TXLNG: variants seen among roughly 807,000 people sequenced by gnomAD.
TXLNG encodes taxilin gamma.
TXLNG carries 5 observed loss-of-function variants against 38.8 expected under a neutral mutation model. The observed-to-expected ratio is 0.13, with a 90% CI of 0.07 to 0.27. The LOEUF is 0.27. TXLNG is among the 10% of genes least tolerant of loss of function. The pLI is 1.00. For missense variants in TXLNG, 393 were observed against 398.2 expected, an observed-to-expected ratio of 0.99 and a Z score of 0.11; for synonymous variants, 182 against 158.2, an observed-to-expected ratio of 1.15 and a Z score of -1.13.
intron 3 of TXLNG, among the ~76,000 whole-genome samples, chrX:16,827,839 T>C (rs760036708): frequency 5.3e-5 from 6 of 112,165 alleles, no homozygotes; most frequent in Non-Finnish European, 1.1e-4. Context: ...TAAATCTGTC[T>C]AAAGGATTTT....
chrX:16,821,572 T>A (rs1160124969), intron 3 of TXLNG, among the ~76,000 whole-genome samples: 1 of 112,849 alleles, frequency 8.9e-6, no homozygotes, highest in African/African-American at 3.2e-5. Flanking sequence ...GCTAAAATTA[T>A]TGCCTTTTGT....
At chrX:16,819,394 A>G (rs1036483015) in intron 2 of TXLNG, among the ~76,000 whole-genome samples, 4 of 111,280 alleles carry the variant, frequency 3.6e-5, no homozygotes, top group African/African-American at 1.3e-4. Flanking sequence ...TTTCCCCCAT[A>G]GCAGTCTGTA....
chrX:16,839,954 C>T (rs1341754342), intron 9 of TXLNG, 38 bp downstream of exon 9: 1 of 1,027,947 alleles, frequency 9.7e-7, no homozygotes, highest in South Asian at 2.4e-5. Context: ...TAGTCTTAGT[C>T]ATGGGGACTC....
chrX:16,822,479 C>T (rs1179169756), intron 3 of TXLNG, among the ~76,000 whole-genome samples: 30 of 111,763 alleles, frequency 2.7e-4, no homozygotes, highest in South Asian at 3.7e-4. Flanking sequence ...GAAAATGTCC[C>T]AGAGCAGTCA....
rs1929822732 is a variant in TXLNG at position 16,841,517 on chromosome X, T to C, written c.1338T>C (p.Asn446=). ...GCAGGGCTCTTCAGACAGAAAGGAA[T>C]GAGCTCAATGAGAAGGTGGAAGTCC... is the stretch of plus-strand genomic sequence containing the variant. ...KLCRALQTER[N]ELNEKVEVLK... is the part of the protein sequence containing the mutation. The change falls in exon 10 of 10, where the codon AAT becomes AAC. Residue 446 remains asparagine (N), a synonymous_variant. Transcript: ENST00000380122. The C allele has an allele frequency of 4.1e-6, 5 of 1,209,827 alleles. No individual in the cohort carries two copies. The highest frequency in any genetic ancestry group is 5.6e-6 in the Non-Finnish European group (5 of 895,181).
chrX:16,793,518 C>T (rs1297566142), intron 1 of TXLNG, among the ~76,000 whole-genome samples: 1 of 109,090 alleles, frequency 9.2e-6, no homozygotes, highest in Non-Finnish European at 1.9e-5. Context: ...TCTTTCCCTA[C>T]TCTCAAGGTA....
At chrX:16,811,930 G>A (rs1233195657) in intron 1 of TXLNG, among the ~76,000 whole-genome samples, 2 of 110,384 alleles carry the variant, frequency 1.8e-5, no homozygotes, top group Non-Finnish European at 3.8e-5. Context: ...GTGAGTCACC[G>A]CACCCGACCC....
chrX:16,805,152 T>G (rs745891814), intron 1 of TXLNG, among the ~76,000 whole-genome samples: 1 of 108,301 alleles, frequency 9.2e-6, no homozygotes, highest in East Asian at 2.9e-4. Flanking sequence ...CACGGCTAAT[T>G]TTTTTATTTT....
rs751738002 is a variant in TXLNG at position 16,843,428 on chromosome X, T to TATC, written c.*1663_*1665dup. On this transcript the variant is annotated 3_prime_UTR_variant, in exon 10 of 10. Transcript: ENST00000380122. ...AGGAAAATAAATCCACAAAGTAGAT[T>TATC]ATCTAATTACCATCAAAATGAGTCA... 1 of 111,735 alleles carries TATC rather than the reference T, an allele frequency of 8.9e-6. No individual in the cohort carries two copies. Among genetic ancestry groups the TATC allele is most frequent in the African/African-American group, 3.3e-5 (1 of 30,709 alleles). 9.2% of individuals were successfully genotyped at this position (111,735 alleles called of 1,213,427 possible).
Position 16,841,968 on chromosome X carries a change from G to T in TXLNG, c.*202G>T. The T allele has an allele frequency of 2.3e-6, 1 of 432,821 alleles. No homozygotes were observed. 35.7% of individuals were successfully genotyped at this position (432,821 alleles called of 1,213,427 possible). ...TCTATAAATTTTCCTCAGCTGTGTTGCACATCAGCCTCGTTCTCCCTCCAC... is the reference window on the plus strand; with the variant it reads ...TCTATAAATTTTCCTCAGCTGTGTTTCACATCAGCCTCGTTCTCCCTCCAC... On this transcript the variant is annotated 3_prime_UTR_variant, in exon 10 of 10. Coordinates refer to ENST00000380122, the MANE Select transcript of TXLNG (RefSeq NM_018360.3).
At chrX:16,813,395 G>A (rs1928609049) in intron 1 of TXLNG, among the ~76,000 whole-genome samples, 1 of 108,216 alleles carries the variant, frequency 9.2e-6, no homozygotes, top group South Asian at 4.0e-4. Context: ...TAATCCTAGT[G>A]CCCTGGGAGA....
chrX:16,810,035 C>T (rs1440686960), intron 1 of TXLNG, among the ~76,000 whole-genome samples: 5 of 111,459 alleles, frequency 4.5e-5, no homozygotes, highest in Non-Finnish European at 9.4e-5. Context: ...AATCTTTGCC[C>T]TGCAGTTTAC....
At chrX:16,820,793 G>A (rs986824211) in intron 3 of TXLNG, among the ~76,000 whole-genome samples, 16 of 111,931 alleles carry the variant, frequency 1.4e-4, no homozygotes, top group Non-Finnish European at 2.3e-4. Flanking sequence ...TTTTTGAGAC[G>A]GAGTCTCGCC....
chrX:16,829,395 A>G (rs766250747), intron 4 of TXLNG, among the ~76,000 whole-genome samples, 181 bp from the exon 5 acceptor site: 3 of 111,572 alleles, frequency 2.7e-5, no homozygotes, highest in South Asian at 3.8e-4. Flanking sequence ...TTATCTGTCT[A>G]CTTAGGAAAA....
chrX:16,829,308 C>T (rs748905264), intron 4 of TXLNG, among the ~76,000 whole-genome samples: 1 of 111,431 alleles, frequency 9.0e-6, no homozygotes, highest in East Asian at 2.8e-4. Context: ...CCTGTGTAAC[C>T]GGCGAGTATT....
intron 7 of TXLNG, among the ~76,000 whole-genome samples, chrX:16,837,033 T>A (rs983334610): frequency 1.8e-5 from 2 of 111,572 alleles, no homozygotes; most frequent in Non-Finnish European, 3.8e-5. Flanking sequence ...TTTGCTTGCC[T>A]TGTTGGTTAG....
chrX:16,804,943 A>G (rs1003851651), intron 1 of TXLNG, among the ~76,000 whole-genome samples: 41 of 88,733 alleles, frequency 4.6e-4, no homozygotes, highest in African/African-American at 1.7e-3. Flanking sequence ...TTATTTAGCA[A>G]ACTAATCTCC....
At position 16,841,725 on chromosome X, in the gene TXLNG, CCGT is replaced by C. The variant is rs1569274834; in HGVS notation, c.1548_1550del (p.Ser517del). 8.3e-7 allele frequency: 1 copy of C among 1,211,780 alleles called. No individual in the cohort carries two copies. Among genetic ancestry groups the C allele is most frequent in the East Asian group, 3.0e-5 (1 of 33,850 alleles). ...TCAGAGAAGCGCTGTGCAAAAGCCC[CCGT>C]CCACAGGCTCTGCTCCGGCCATCGA... On this transcript the variant is annotated inframe_deletion, in exon 10 of 10. Coordinates refer to ENST00000380122, the MANE Select transcript of TXLNG (RefSeq NM_018360.3).
chrX:16,816,483 A>G (rs1234713474), intron 1 of TXLNG, among the ~76,000 whole-genome samples: 12 of 112,778 alleles, frequency 1.1e-4, no homozygotes, highest in Non-Finnish European at 1.5e-4. Flanking sequence ...TGCCATTGTG[A>G]ATTTTTGAAA....
Sources: allele counts gnomAD v4.1 joint callset (sites outside exome capture counted in the v4.1 genomes callset), GRCh38; gene constraint gnomAD v4.1.1; transcripts MANE v1.5; gene names NCBI Gene and HGNC (gene_info 2026-07-23, HGNC 2026-07-21).